Variants in PCBD2 observed in about 807,000 individuals in gnomAD.
PCBD2 encodes the protein pterin-4-alpha-carbinolamine dehydratase 2.
Under a neutral mutation model 16.4 loss-of-function variants are expected in PCBD2, and 12 were observed. The observed-to-expected ratio is 0.73, with a 90% CI of 0.47 to 1.19. PCBD2 has a LOEUF of 1.19. Among genes scored for constraint, PCBD2 ranks in the 50% most tolerant of loss-of-function variants. The pLI is 0.00. For synonymous variants in PCBD2, 58 were observed against 61.8 expected (o/e 0.94, Z 0.29); for missense variants, 138 against 156.8 (o/e 0.88, Z 0.64).
At chr5:134,923,796 T>C (rs1050555918) in intron 2 of PCBD2, 1 of 393,480 alleles carries the variant, frequency 2.5e-6, no homozygotes, top group African/African-American at 2.1e-5. Flanking sequence ...TGAGGCGCCA[T>C]TGGCGTGAAG....
intron 2 of PCBD2, among the ~76,000 whole-genome samples, chr5:134,949,630 T>A (rs908335748): frequency 1.3e-5 from 2 of 152,228 alleles, no homozygotes; most frequent in African/African-American, 4.8e-5. Context: ...CCTCACAGTT[T>A]AGTTGAGAAT....
chr5:134,933,901 G>T (rs1484445794), intron 2 of PCBD2, among the ~76,000 whole-genome samples: 1 of 152,184 alleles, frequency 6.6e-6, no homozygotes. Flanking sequence ...ATGTTATAGG[G>T]CTTTGTAGCC....
At chr5:134,939,754 C>G (rs1161537107) in intron 2 of PCBD2, among the ~76,000 whole-genome samples, 2 of 152,110 alleles carry the variant, frequency 1.3e-5, no homozygotes, top group Non-Finnish European at 2.9e-5. Context: ...AGATTGGACA[C>G]TTAACTACCT....
chr5:134,926,787 C>T (rs1035278471), intron 2 of PCBD2: 19 of 397,554 alleles, frequency 4.8e-5, no homozygotes, highest in Middle Eastern at 6.2e-4. Flanking sequence ...GCTGAGCGAG[C>T]CTCATTGTGT....
At chr5:134,945,009 A>G (rs975423674) in intron 2 of PCBD2, among the ~76,000 whole-genome samples, 1 of 152,236 alleles carries the variant, frequency 6.6e-6, no homozygotes, top group African/African-American at 2.4e-5. Context: ...AATTTTTTAT[A>G]GGAAAATCAC....
intron 2 of PCBD2, among the ~76,000 whole-genome samples, chr5:134,935,631 C>T (rs1479081706): frequency 6.6e-6 from 1 of 152,168 alleles, no homozygotes; most frequent in Non-Finnish European, 1.5e-5. Flanking sequence ...AAACTGATAA[C>T]ATATTTCTTT....
At chr5:134,939,308 C>T (rs1580889472) in intron 2 of PCBD2, among the ~76,000 whole-genome samples, 1 of 150,152 alleles carries the variant, frequency 6.7e-6, no homozygotes, top group Admixed American at 6.6e-5. Context: ...TTAATGTAGT[C>T]ATTTTTTATT....
At chr5:134,924,338 G>C (rs552372216) in intron 2 of PCBD2, 34 of 395,576 alleles carry the variant, frequency 8.6e-5, no homozygotes, top group African/African-American at 6.2e-4. Context: ...ATACTACAGC[G>C]GTGGCTATTG....
chr5:134,907,789 A>G (rs986657262), intron 1 of PCBD2, among the ~76,000 whole-genome samples: 1 of 147,378 alleles, frequency 6.8e-6, no homozygotes, highest in African/African-American at 2.5e-5. Context: ...CGCCCAGCTA[A>G]TTTTTTGTAT....
intron 2 of PCBD2, chr5:134,926,633 T>A (rs1751001827): frequency 5.0e-6 from 2 of 396,630 alleles, no homozygotes; most frequent in Non-Finnish European, 8.9e-6. Flanking sequence ...ATTCACAATC[T>A]GATGTTTTGG....
intron 2 of PCBD2, among the ~76,000 whole-genome samples, chr5:134,950,638 T>C (rs1751348400): frequency 6.6e-6 from 1 of 152,220 alleles, no homozygotes; most frequent in African/African-American, 2.4e-5. Flanking sequence ...TAATTGCTGA[T>C]GGTTTGGAGA....
intron 2 of PCBD2, chr5:134,926,205 G>T: frequency 3.1e-6 from 1 of 321,340 alleles, no homozygotes; most frequent in Non-Finnish European, 5.6e-6. Context: ...ATATTATGGA[G>T]AAATAATCTA....
In PCBD2 at chr5:134,908,254, A is replaced by G. The variant is rs1004963669; in HGVS notation, c.85-2081A>G. On this transcript the variant is annotated intron_variant, in intron 1 of 3. Coordinates refer to ENST00000254908, the MANE Select transcript of PCBD2 (RefSeq NM_032151.5). The stretch of plus-strand genomic sequence containing the variant: ...ATGTTTTTTTTTTTTTTTTTGAGAC[A>G]GAGTTTCACTCTGTTGCCCAGGCTG... 2.6e-4 allele frequency among the ~76,000 whole-genome samples: 37 copies of G among 144,004 alleles called. No individual in the cohort carries two copies. The Admixed American group carries it at 2.6e-3, about 10-fold the overall frequency. 94.5% of individuals were successfully genotyped at this position (144,004 alleles called of 152,430 possible). A position where few individuals can be genotyped will look rare whatever the true frequency, so the allele number is the denominator to read the frequency against.
At chr5:134,933,735 A>G (rs1751125008) in intron 2 of PCBD2, among the ~76,000 whole-genome samples, 1 of 152,200 alleles carries the variant, frequency 6.6e-6, no homozygotes, top group African/African-American at 2.4e-5. Flanking sequence ...AGTTCTTGCT[A>G]AATATACTCA....
At chr5:134,910,073 ACAAC>A (rs945375895) in intron 1 of PCBD2, among the ~76,000 whole-genome samples, 1 of 152,332 alleles carries the variant, frequency 6.6e-6, no homozygotes, top group East Asian at 1.9e-4. Context: ...CTGTCTCGAA[ACAAC>A]CAACCAACCA....
At chr5:134,906,909 A>G (rs996738366) in intron 1 of PCBD2, among the ~76,000 whole-genome samples, 1 of 152,190 alleles carries the variant, frequency 6.6e-6, no homozygotes, top group Admixed American at 6.5e-5. Context: ...AATTAAGCCC[A>G]CCACCAAGGG....
At chr5:134,938,960 T>G (rs1024822219) in intron 2 of PCBD2, among the ~76,000 whole-genome samples, 5 of 152,232 alleles carry the variant, frequency 3.3e-5, no homozygotes, top group Admixed American at 6.5e-5. Flanking sequence ...CCAAAGACTT[T>G]ACTTAAATGG....
chr5:134,953,408 A>G (rs1195498012), intron 2 of PCBD2, among the ~76,000 whole-genome samples: 6 of 149,544 alleles, frequency 4.0e-5, no homozygotes, highest in Non-Finnish European at 8.9e-5. Flanking sequence ...TATATATAGT[A>G]TTATATACAT....
chr5:134,938,229 A>G (rs753569733), intron 2 of PCBD2, among the ~76,000 whole-genome samples: 6 of 152,212 alleles, frequency 3.9e-5, no homozygotes, highest in Non-Finnish European at 7.3e-5. Flanking sequence ...GGTATTTATC[A>G]TAAGGCATGT....
Sources: gnomAD v4.1 joint callset for allele counts (sites outside exome capture counted in the v4.1 genomes callset) on GRCh38, gnomAD v4.1.1 for gene constraint, MANE v1.5 for transcripts, NCBI Gene and HGNC (gene_info 2026-07-23, HGNC 2026-07-21) for gene names.